DIAPH3: variants seen among roughly 807,000 people sequenced by gnomAD.
The protein encoded by DIAPH3 is diaphanous related formin 3.
A neutral mutation model predicts 144.3 loss-of-function variants in DIAPH3; 117 were observed. The observed-to-expected ratio is 0.81, with a 90% CI of 0.70 to 0.95. The LOEUF (loss-of-function observed/expected upper bound fraction) is 0.95. Ranked by LOEUF, DIAPH3 falls within the 40% of genes least tolerant of loss-of-function variation. DIAPH3 has a pLI of 0.00. For missense variants in DIAPH3, 1,421 were observed against 1,412.7 expected (o/e 1.01, Z -0.09); for synonymous variants, 519 against 488.9 (o/e 1.06, Z -0.81).
At chr13:59,704,845 G>GTGCCGTT (rs2034325985) in intron 27 of DIAPH3, among the ~76,000 whole-genome samples, 2 of 152,264 alleles carry the variant, frequency 1.3e-5, no homozygotes, top group East Asian at 3.9e-4. Context: ...TCATCGTTAA[G>GTGCCGTT]TGCCGTCTGA....
At chr13:59,826,041 A>G (rs897496246) in intron 24 of DIAPH3, among the ~76,000 whole-genome samples, 12 of 152,172 alleles carry the variant, frequency 7.9e-5, no homozygotes, top group Admixed American at 5.2e-4. Context: ...CAAAATAATA[A>G]GAGTTATCTA....
At chr13:59,906,902 A>G (rs1474024534) in intron 20 of DIAPH3, among the ~76,000 whole-genome samples, 2 of 152,226 alleles carry the variant, frequency 1.3e-5, no homozygotes, top group Non-Finnish European at 2.9e-5. Flanking sequence ...GCCACTGTGA[A>G]CACAGTGATT....
At chr13:59,964,663 T>C (rs1174644354) in intron 17 of DIAPH3, among the ~76,000 whole-genome samples, 1 of 152,066 alleles carries the variant, frequency 6.6e-6, no homozygotes, top group African/African-American at 2.4e-5. Context: ...AAAATAAATT[T>C]CCATTTCTTC....
At chr13:59,860,443 T>C (rs2043508868) in intron 22 of DIAPH3, among the ~76,000 whole-genome samples, 1 of 152,112 alleles carries the variant, frequency 6.6e-6, no homozygotes, top group South Asian at 2.1e-4. Flanking sequence ...ATGTGAAATA[T>C]AAATGAAAAT....
chr13:59,911,829 A>G lies in DIAPH3; in HGVS notation c.2273T>C (p.Ile758Thr), dbSNP rs1177673474. 13 of 1,608,104 alleles carry G rather than the reference A, an allele frequency of 8.1e-6. No homozygotes were observed. Among genetic ancestry groups the G allele is most frequent in the Non-Finnish European group, 1.1e-5 (13 of 1,174,822 alleles). The change falls in exon 20 of 28, where the codon ATA becomes ACA. Residue 758 changes from isoleucine to threonine, a missense_variant. Transcript: ENST00000400324. ...TTGCTCTTGATCAGGAAGATGCTTTATTAAGTTCTAAAAATTAAAACCAGA... is the reference window on the plus strand; with the variant it reads ...TTGCTCTTGATCAGGAAGATGCTTTGTTAAGTTCTAAAAATTAAAACCAGA... ...RLAESMIQNL[I>T]KHLPDQEQLN...
intron 14 of DIAPH3, among the ~76,000 whole-genome samples, 155 bp downstream of exon 14, chr13:59,980,640 T>C (rs933986183): frequency 3.3e-5 from 5 of 151,542 alleles, no homozygotes; most frequent in Admixed American, 1.3e-4. Flanking sequence ...GTTAAGACTT[T>C]TTAGATACAG....
At chr13:59,948,839 A>T (rs2048936655) in intron 17 of DIAPH3, among the ~76,000 whole-genome samples, 1 of 143,294 alleles carries the variant, frequency 7.0e-6, no homozygotes, top group African/African-American at 2.6e-5. Flanking sequence ...CATAAAAAGA[A>T]AGAAGGAAGG....
intron 21 of DIAPH3, among the ~76,000 whole-genome samples, chr13:59,869,363 ATAATT>A (rs2044120727): frequency 6.6e-6 from 1 of 152,162 alleles, no homozygotes; most frequent in African/African-American, 2.4e-5. Flanking sequence ...TGCTGGTCTG[ATAATT>A]TAATTTGACA....
chr13:60,094,663 T>C (rs1594649128), intron 3 of DIAPH3, among the ~76,000 whole-genome samples: 2 of 152,350 alleles, frequency 1.3e-5, no homozygotes, highest in East Asian at 3.9e-4. Flanking sequence ...TTGGATCACC[T>C]ATGGAGCCTA....
intron 25 of DIAPH3, among the ~76,000 whole-genome samples, chr13:59,801,063 C>G (rs2039877108): frequency 6.6e-6 from 1 of 152,022 alleles, no homozygotes; most frequent in Non-Finnish European, 1.5e-5. Flanking sequence ...CACGTGAATC[C>G]AGCAGAAAGT....
At chr13:59,715,800 A>G (rs4886190) in intron 27 of DIAPH3, among the ~76,000 whole-genome samples, 148,952 of 152,316 alleles carry the variant, frequency 0.98, 72,918 homozygotes, top group East Asian at 1. Flanking sequence ...TCTCTAAGAT[A>G]AGGATAATCT....
intron 20 of DIAPH3, among the ~76,000 whole-genome samples, chr13:59,884,623 CT>C (rs907373088): frequency 2.0e-5 from 3 of 152,124 alleles, no homozygotes; most frequent in Admixed American, 1.3e-4. Flanking sequence ...GTAATGTGAT[CT>C]AATACATCAC....
intron 25 of DIAPH3, among the ~76,000 whole-genome samples, chr13:59,784,425 G>A (rs1161015205): frequency 6.7e-6 from 1 of 149,656 alleles, no homozygotes; most frequent in African/African-American, 2.5e-5. Context: ...ACCCAGGCTG[G>A]AGTGAAGTGG....
At chr13:59,771,509 A>C (rs2038119144) in intron 27 of DIAPH3, among the ~76,000 whole-genome samples, 1 of 143,734 alleles carries the variant, frequency 7.0e-6, no homozygotes, top group Non-Finnish European at 1.6e-5. Context: ...GATGAGGCAC[A>C]CCAGAGGCTG....
chr13:59,691,741 G>A (rs1024713124), intron 27 of DIAPH3, among the ~76,000 whole-genome samples: 1 of 152,166 alleles, frequency 6.6e-6, no homozygotes. Flanking sequence ...TTTAGCTCAA[G>A]TGCATTTAAA....
chr13:59,997,534 T>C (rs201002503), intron 9 of DIAPH3, among the ~76,000 whole-genome samples: 1 of 152,108 alleles, frequency 6.6e-6, no homozygotes, highest in African/African-American at 2.4e-5. Context: ...CTTTGAAATA[T>C]TTATTTATTT....
intron 24 of DIAPH3, among the ~76,000 whole-genome samples, chr13:59,816,855 G>T (rs1353999234): frequency 1.3e-5 from 2 of 151,796 alleles, no homozygotes; most frequent in Non-Finnish European, 2.9e-5. Flanking sequence ...AGGAACATTT[G>T]ACTTATTCTC....
intron 5 of DIAPH3, among the ~76,000 whole-genome samples, chr13:60,019,135 T>C (rs1321409417): frequency 1.3e-5 from 2 of 152,166 alleles, no homozygotes; most frequent in Non-Finnish European, 2.9e-5. Flanking sequence ...GGCAGGTCTG[T>C]AGTCTTGACA....
At chr13:59,676,796 A>T (rs1330892682) in intron 27 of DIAPH3, among the ~76,000 whole-genome samples, 1 of 152,210 alleles carries the variant, frequency 6.6e-6, no homozygotes, top group Non-Finnish European at 1.5e-5. Context: ...TATGCATTTA[A>T]TAAGAATCTG....
Sources: gnomAD v4.1 joint callset for allele counts (sites outside exome capture counted in the v4.1 genomes callset) on GRCh38, gnomAD v4.1.1 for gene constraint, MANE v1.5 for transcripts, NCBI Gene and HGNC (gene_info 2026-07-23, HGNC 2026-07-21) for gene names.